ZNF41: variants seen among roughly 807,000 people sequenced by gnomAD.
ZNF41 encodes the protein zinc finger protein 41.
A neutral mutation model predicts 9.3 loss-of-function variants in ZNF41; 6 were observed. The ratio of observed to expected loss-of-function variants is 0.65; its 90% CI spans 0.35 to 1.28. ZNF41 has a LOEUF of 1.28. Among genes scored for constraint, ZNF41 ranks in the 50% most tolerant of loss-of-function variants. The pLI, the probability that ZNF41 is intolerant of heterozygous loss-of-function variation, is 0.03. For synonymous variants in ZNF41, 192 were observed against 207.1 expected (o/e 0.93, Z 0.63); for missense variants, 523 against 585.8 (o/e 0.89, Z 1.11).
Position 47,456,288 on chromosome X carries a change from G to A in ZNF41, c.183C>T (p.Ser61=). The A allele has an allele frequency of 3.3e-6, 4 of 1,211,056 alleles. No individual in the cohort carries two copies. The highest frequency in any genetic ancestry group is 4.5e-6 in the Non-Finnish European group (4 of 895,349). Residue 61 remains serine, a synonymous_variant, in exon 3 of 5, where the codon AGC becomes AGT. Transcript: ENST00000684689. ...LYWDVTLENY[S]HLLSVGYQIP... is the part of the protein sequence containing the mutation. Reference sequence around the variant, plus strand: ...CGTGCTTACCCACTGAGAGCAGGTGGCTGTAGTTCTCTAGTGTCACATCCC... The same window carrying A: ...CGTGCTTACCCACTGAGAGCAGGTGACTGTAGTTCTCTAGTGTCACATCCC...
chrX:47,448,173 T>C lies in ZNF41; in HGVS notation c.1597A>G (p.Thr533Ala), dbSNP rs1393298944. Residue 533 changes from threonine to alanine, a missense_variant, in exon 5 of 5, where the codon ACT becomes GCT. By Grantham distance (58) the Thr-to-Ala change is moderately conservative. Transcript: ENST00000684689. ...TGTTTAATGAGATTTGACTGGTCAG[T>C]AAAAGCCTTTCCACATTCAGCACAC... is the stretch of plus-strand genomic sequence containing the variant. The part of the protein sequence containing the change: ...YMCAECGKAF[T>A]DQSNLIKHQK... The C allele has an allele frequency of 1.7e-6, 2 of 1,211,988 alleles. No individual in the cohort carries two copies. The highest frequency in any genetic ancestry group is 1.1e-6 in the Non-Finnish European group (1 of 895,588).
Position 47,455,970 on chromosome X carries a change from T to G in ZNF41, c.246A>C (p.Gly82=). Residue 82 remains glycine, a synonymous_variant, in exon 4 of 5, where the codon GGA becomes GGC. Coordinates refer to ENST00000684689, the MANE Select transcript of ZNF41 (RefSeq NM_001324144.2). ...KSEAAFKLEQ[G]EGPWMLEGEA... ...CCCCCTCCAGCATCCATGGCCCCTC[T>G]CCTTGCTCCAACTTGAAGGCAGCCT... 8.3e-7 allele frequency: 1 copy of G among 1,211,813 alleles called. No homozygotes were observed. Among genetic ancestry groups the G allele is most frequent in the Non-Finnish European group, 1.1e-6 (1 of 895,523 alleles).
Position 47,467,841 on chromosome X carries a change from A to G in ZNF41, c.-279-81T>C, listed in dbSNP as rs768488285. The G allele has an allele frequency of 5.9e-5, 15 of 255,247 alleles. No individual in the cohort carries two copies. The South Asian group carries it at 1.0e-3, about 17-fold the overall frequency. The allele number at this position is 255,247 out of a possible 1,213,427, so 21.0% of individuals were successfully genotyped here. A position where few individuals can be genotyped will look rare whatever the true frequency, so the allele number is the denominator to read the frequency against. ...GGAAAATTCACAAGATCTGGTGTAAAATGAATGAGGGTTTGTATTTAAGCT... is the reference window on the plus strand; with the variant it reads ...GGAAAATTCACAAGATCTGGTGTAAGATGAATGAGGGTTTGTATTTAAGCT... On this transcript the variant is annotated intron_variant, in intron 1 of 4. Transcript: ENST00000684689.
intron 1 of ZNF41, among the ~76,000 whole-genome samples, chrX:47,470,552 C>A (rs1287668190): frequency 1.1e-4 from 12 of 108,338 alleles, no homozygotes; most frequent in African/African-American, 4.0e-4. Context: ...CATGGTGAAA[C>A]CCTATCTCTA....
chrX:47,480,414 T>A (rs1462736511), intron 1 of ZNF41, among the ~76,000 whole-genome samples: 1 of 110,938 alleles, frequency 9.0e-6, no homozygotes. Context: ...CCAAAATAAA[T>A]TCCAGTTAGA....
chrX:47,461,659 T>C (rs12392051), intron 2 of ZNF41, among the ~76,000 whole-genome samples: 27,512 of 109,602 alleles, frequency 0.25, 3,142 homozygotes, highest in East Asian at 0.44. Context: ...ATCTGCCCAG[T>C]CGGCCTCCCA....
intron 2 of ZNF41, among the ~76,000 whole-genome samples, chrX:47,462,632 T>C (rs760105780): frequency 9.0e-6 from 1 of 111,204 alleles, no homozygotes; most frequent in South Asian, 3.8e-4. Context: ...CTTCCAGCTG[T>C]TCCTGGCTCA....
At chrX:47,462,973 G>A (rs202029168) in intron 2 of ZNF41, among the ~76,000 whole-genome samples, 3 of 56,494 alleles carry the variant, frequency 5.3e-5, no homozygotes, top group Non-Finnish European at 7.7e-5. Context: ...ACACATATGT[G>A]TACACACACA....
chrX:47,445,366 C>A lies in ZNF41; in HGVS notation c.*2064G>T, dbSNP rs1315134708. Among the ~76,000 whole-genome samples, 1 of 111,861 alleles carries A rather than the reference C, an allele frequency of 8.9e-6. No individual in the cohort carries two copies. The highest frequency in any genetic ancestry group is 2.8e-4 in the East Asian group (1 of 3,586). ...TAAAATGGTGCAGTCATGTGAGGAA[C>A]AGGCCTAGGTCTCAGGTCTCAGCCA... On this transcript the variant is annotated 3_prime_UTR_variant, in exon 5 of 5. Transcript: ENST00000684689.
At position 47,466,122 on chromosome X, in the gene ZNF41, C is replaced by A. The variant is rs775828866; in HGVS notation, c.72+1288G>T. Among the ~76,000 whole-genome samples the A allele has an allele frequency of 1.5e-3, 166 of 110,695 alleles. No individual in the cohort carries two copies. In the Middle Eastern group the frequency reaches 0.023, roughly 15 times the overall value. ...TGGTTAACTTTGGGTAATGTTGGAA[C>A]GACAAGTAATTTTTTAGTTTCTTCT... On this transcript the variant is annotated intron_variant, in intron 2 of 4. Coordinates refer to ENST00000684689, the MANE Select transcript of ZNF41 (RefSeq NM_001324144.2).
intron 2 of ZNF41, among the ~76,000 whole-genome samples, chrX:47,460,909 C>A (rs1285914098): frequency 9.1e-6 from 1 of 110,173 alleles, no homozygotes; most frequent in Non-Finnish European, 1.9e-5. Flanking sequence ...ATATATATGC[C>A]CACGTGGAAT....
chrX:47,459,222 T>C (rs2056685429), intron 2 of ZNF41, among the ~76,000 whole-genome samples: 1 of 108,317 alleles, frequency 9.2e-6, no homozygotes. Flanking sequence ...TGGTGGCACG[T>C]GACTGTAGTC....
At chrX:47,465,837 TA>T (rs994756322) in intron 2 of ZNF41, among the ~76,000 whole-genome samples, 1 of 111,327 alleles carries the variant, frequency 9.0e-6, no homozygotes, top group African/African-American at 3.3e-5. Context: ...TAAATAAAAT[TA>T]AAAAAATAGT....
chrX:47,482,538 C>T (rs2057501735), intron 1 of ZNF41: 1 of 112,979 alleles, frequency 8.9e-6, no homozygotes, highest in Admixed American at 9.3e-5. Flanking sequence ...TTAGTGTCAG[C>T]TCCGAAGCGG....
At chrX:47,479,925 T>C (rs969535704) in intron 1 of ZNF41, among the ~76,000 whole-genome samples, 3 of 110,771 alleles carry the variant, frequency 2.7e-5, no homozygotes, top group Non-Finnish European at 5.7e-5. Flanking sequence ...TGAAACCTCG[T>C]CTCTACTAAA....
rs766834259 is a variant in ZNF41 at position 47,447,391 on chromosome X, T to C, written c.*39A>G. ...TTCCTCCTCCCTGCTATTAGATACCTGATGCATACCCAGTTGTGATTTCCA... is the reference window on the plus strand; with the variant it reads ...TTCCTCCTCCCTGCTATTAGATACCCGATGCATACCCAGTTGTGATTTCCA... On this transcript the variant is annotated 3_prime_UTR_variant, in exon 5 of 5. Transcript: ENST00000684689. 1 of 1,206,218 alleles carries C rather than the reference T, an allele frequency of 8.3e-7. No individual in the cohort carries two copies. The highest frequency in any genetic ancestry group is 3.0e-5 in the East Asian group (1 of 33,854).
intron 1 of ZNF41, among the ~76,000 whole-genome samples, chrX:47,472,653 G>A (rs2057226679): frequency 9.1e-6 from 1 of 109,868 alleles, no homozygotes; most frequent in African/African-American, 3.3e-5. Flanking sequence ...TGGGCAGGAT[G>A]GTCTCAGTCT....
chrX:47,475,730 A>G (rs2057317300), intron 1 of ZNF41, among the ~76,000 whole-genome samples: 1 of 110,596 alleles, frequency 9.0e-6, no homozygotes, highest in South Asian at 3.8e-4. Flanking sequence ...CCCTATATAC[A>G]CCTCTGCCCA....
intron 2 of ZNF41, among the ~76,000 whole-genome samples, chrX:47,463,404 C>T (rs921455289): frequency 1.8e-5 from 2 of 110,921 alleles, no homozygotes; most frequent in Admixed American, 9.7e-5. Flanking sequence ...GTCCCATGTC[C>T]CCTCAGTCAC....
Sources: allele counts gnomAD v4.1 joint callset (sites outside exome capture counted in the v4.1 genomes callset), GRCh38; gene constraint gnomAD v4.1.1; transcripts MANE v1.5; gene names NCBI Gene and HGNC (gene_info 2026-07-23, HGNC 2026-07-21).